Variants in HDAC8 observed in about 807,000 individuals in gnomAD.
The protein encoded by HDAC8 is histone deacetylase-like 1.
HDAC8 carries 1 observed loss-of-function variant against 32.2 expected under a neutral mutation model. The ratio of observed to expected loss-of-function variants is 0.03; its 90% CI spans 0.01 to 0.15. The LOEUF is 0.15. Among genes scored for constraint, HDAC8 ranks in the 10% least tolerant of loss-of-function variants. The pLI, the probability that HDAC8 is intolerant of heterozygous loss-of-function variation, is 1.00. For synonymous variants in HDAC8, 108 were observed against 113.9 expected, an observed-to-expected ratio of 0.95 and a Z score of 0.33; for missense variants, 117 against 300.0, an observed-to-expected ratio of 0.39 and a Z score of 4.51.
chrX:72,397,336 C>A (rs2045790996), intron 9 of HDAC8, among the ~76,000 whole-genome samples: 2 of 111,805 alleles, frequency 1.8e-5, no homozygotes, highest in African/African-American at 6.5e-5. Context: ...TTATAAGAGT[C>A]TTTATCTCTT....
chrX:72,533,055 G>A (rs2050402359), intron 4 of HDAC8, among the ~76,000 whole-genome samples: 2 of 111,239 alleles, frequency 1.8e-5, no homozygotes, highest in South Asian at 7.7e-4. Context: ...GTGAAGTAGG[G>A]GTCCAACTTC....
intron 10 of HDAC8, chrX:72,330,774 A>G (rs1418481792): frequency 1.8e-5 from 2 of 110,750 alleles, no homozygotes; most frequent in Non-Finnish European, 3.8e-5. Context: ...CTTCTCTGAA[A>G]CAGAAACAAT....
Position 72,543,409 on chromosome X carries a change from G to A in HDAC8, c.437+24480C>T, listed in dbSNP as rs781986276. Among the ~76,000 whole-genome samples the A allele has an allele frequency of 3.5e-4, 39 of 111,509 alleles. No homozygotes were observed. The South Asian group carries it at 0.013, about 37-fold the overall frequency. ...GGCTGTGGCTGGAGAGCAGGTGGCCGTGGGACTTGTGAAAGGGAAGACCTT... is the reference window on the plus strand; with the variant it reads ...GGCTGTGGCTGGAGAGCAGGTGGCCATGGGACTTGTGAAAGGGAAGACCTT... On this transcript the variant is annotated intron_variant, in intron 4 of 10. Coordinates refer to ENST00000373573, the MANE Select transcript of HDAC8 (RefSeq NM_018486.3).
chrX:72,381,916 G>A (rs782321629), intron 9 of HDAC8, among the ~76,000 whole-genome samples: 2 of 112,478 alleles, frequency 1.8e-5, no homozygotes, highest in African/African-American at 6.4e-5. Context: ...AGAAGCAACA[G>A]AATAAATCTT....
At chrX:72,363,287 G>A (rs2044604239) in intron 9 of HDAC8, among the ~76,000 whole-genome samples, 1 of 112,124 alleles carries the variant, frequency 8.9e-6, no homozygotes, top group African/African-American at 3.2e-5. Context: ...GCCTACACAC[G>A]AAGGTTTTTT....
rs549411405 is a variant in HDAC8, at chrX:72,416,408, G to GTTTTTTTTTTTT, written c.1005+45584_1005+45595dup. On this transcript the variant is annotated intron_variant, in intron 9 of 10. Coordinates refer to ENST00000373573, the MANE Select transcript of HDAC8 (RefSeq NM_018486.3). ...GATATTGGAAATTTGTGTCTTCTCT[G>GTTTTTTTTTTTT]TTTTTTTTTTTTTTTTTTTTTTTTT... Among the ~76,000 whole-genome samples the GTTTTTTTTTTTT allele has an allele frequency of 9.5e-3, 35 of 3,694 alleles. 13 individuals are homozygous for GTTTTTTTTTTTT. The highest frequency in any genetic ancestry group is 0.022 in the Non-Finnish European group (26 of 1,177). 3.2% of individuals were successfully genotyped at this position (3,694 alleles called of 115,157 possible).
At chrX:72,437,469 A>C (rs2046986025) in intron 9 of HDAC8, among the ~76,000 whole-genome samples, 1 of 110,120 alleles carries the variant, frequency 9.1e-6, no homozygotes, top group African/African-American at 3.3e-5. Flanking sequence ...CTCCAGTGGC[A>C]CCTGGAATGC....
rs1050980310 is a variant in HDAC8 at position 72,394,684 on chromosome X, T to G, written c.1006-42846A>C. On this transcript the variant is annotated intron_variant, in intron 9 of 10. Coordinates refer to ENST00000373573, the MANE Select transcript of HDAC8 (RefSeq NM_018486.3). ...CTTTGCCTTCCAGGAATAGTACTGC[T>G]CTGAGACGCCTCTGTAGACTGCCTG... Among the ~76,000 whole-genome samples the G allele has an allele frequency of 2.7e-5, 3 of 112,001 alleles. No individual in the cohort carries two copies. In the South Asian group the frequency reaches 1.1e-3, roughly 42 times the overall value.
intron 4 of HDAC8, among the ~76,000 whole-genome samples, chrX:72,514,405 T>C (rs1556023638): frequency 8.9e-6 from 1 of 112,041 alleles, no homozygotes; most frequent in South Asian, 3.8e-4. Context: ...ATATAAGAGA[T>C]ATAAAAACAG....
At chrX:72,565,762 GAGA>G (rs782072232) in intron 4 of HDAC8, among the ~76,000 whole-genome samples, 15 of 111,765 alleles carry the variant, frequency 1.3e-4, no homozygotes, top group African/African-American at 4.2e-4. Context: ...CTTTCGTTCA[GAGA>G]AGCTTAGCTT....
intron 10 of HDAC8, among the ~76,000 whole-genome samples, chrX:72,344,263 A>G (rs1368514182): frequency 8.9e-6 from 1 of 111,740 alleles, no homozygotes; most frequent in African/African-American, 3.3e-5. Flanking sequence ...AAAAATACAG[A>G]AACAGCATAA....
intron 10 of HDAC8, among the ~76,000 whole-genome samples, chrX:72,342,522 G>C (rs993786081): frequency 2.0e-4 from 22 of 112,470 alleles, no homozygotes; most frequent in African/African-American, 7.1e-4. Context: ...CCAAAACCCT[G>C]AGTGGTTTAC....
chrX:72,354,506 T>C (rs2044274218), intron 9 of HDAC8, among the ~76,000 whole-genome samples: 1 of 112,573 alleles, frequency 8.9e-6, no homozygotes, highest in East Asian at 2.8e-4. Context: ...GCTAGCCATA[T>C]AGCTAATTGT....
At chrX:72,421,864 CT>C (rs1201208129) in intron 9 of HDAC8, among the ~76,000 whole-genome samples, 2 of 111,896 alleles carry the variant, frequency 1.8e-5, no homozygotes, top group African/African-American at 6.5e-5. Context: ...ACTCCCTCAG[CT>C]TTTGTTTATC....
intron 9 of HDAC8, among the ~76,000 whole-genome samples, chrX:72,398,692 T>C (rs1479395724): frequency 9.1e-6 from 1 of 110,214 alleles, no homozygotes; most frequent in African/African-American, 3.3e-5. Flanking sequence ...TGAATGTGAG[T>C]TATATGAGTA....
At chrX:72,536,548 G>A (rs1047181978) in intron 4 of HDAC8, among the ~76,000 whole-genome samples, 5 of 112,200 alleles carry the variant, frequency 4.5e-5, no homozygotes, top group South Asian at 3.7e-4. Context: ...AATAAGCTTC[G>A]TGCACATCTG....
chrX:72,539,049 A>T (rs2050617758), intron 4 of HDAC8, among the ~76,000 whole-genome samples: 1 of 111,407 alleles, frequency 9.0e-6, no homozygotes, highest in African/African-American at 3.3e-5. Context: ...GAAAAAGGAC[A>T]TTATGTAAAC....
chrX:72,432,614 T>A (rs2046850101), intron 9 of HDAC8, among the ~76,000 whole-genome samples: 1 of 110,390 alleles, frequency 9.1e-6, no homozygotes, highest in Non-Finnish European at 1.9e-5. Context: ...GCCTTAAATG[T>A]CACACCTTCA....
At chrX:72,345,994 A>G (rs1427301820) in intron 10 of HDAC8, among the ~76,000 whole-genome samples, 1 of 111,892 alleles carries the variant, frequency 8.9e-6, no homozygotes, top group South Asian at 3.8e-4. Context: ...AGAATTTTTA[A>G]AATTTTCAGC....
Sources: gnomAD v4.1 joint callset for allele counts (sites outside exome capture counted in the v4.1 genomes callset) on GRCh38, gnomAD v4.1.1 for gene constraint, MANE v1.5 for transcripts, NCBI Gene and HGNC (gene_info 2026-07-23, HGNC 2026-07-21) for gene names.